CNR1: variants seen among roughly 807,000 people sequenced by gnomAD.
CNR1 encodes the protein cannabinoid receptor 1 (brain).
In CNR1, 10 loss-of-function variants were observed where a neutral mutation model predicts 23.0. The ratio of observed to expected loss-of-function variants is 0.43; its 90% CI spans 0.27 to 0.74. The LOEUF (loss-of-function observed/expected upper bound fraction) is 0.74, where lower values mean the gene tolerates loss of function less well. Ranked by LOEUF, CNR1 falls within the 30% of genes least tolerant of loss-of-function variation. The probability of loss-of-function intolerance (pLI) is 0.19; values close to 1 mark genes in which losing one functional copy is unlikely to be tolerated. For synonymous variants in CNR1, 271 were observed against 255.2 expected, an observed-to-expected ratio of 1.06 and a Z score of -0.59; for missense variants, 422 against 618.8, an observed-to-expected ratio of 0.68 and a Z score of 3.37.
chr6:88,151,426 G>A (rs1777511045), intron 1 of CNR1, among the ~76,000 whole-genome samples: 1 of 152,180 alleles, frequency 6.6e-6, no homozygotes, highest in Non-Finnish European at 1.5e-5. Context: ...AGCAGACCAA[G>A]ATTGGTGTTA....
intron 1 of CNR1, among the ~76,000 whole-genome samples, chr6:88,150,361 G>A (rs1777452934): frequency 6.6e-6 from 1 of 151,768 alleles, no homozygotes; most frequent in Non-Finnish European, 1.5e-5. Context: ...TTTCTCAAAG[G>A]CAAGGAGTAA....
In CNR1 at chr6:88,141,232, G is replaced by A. The variant is rs566259849; in HGVS notation, c.*2624C>T. The stretch of plus-strand genomic sequence containing the variant: ...GTTTTCGTCACTTGGGTTAAGAAAT[G>A]ATATGAAAAGTGTCAAAGTGAATCT... On this transcript the variant is annotated 3_prime_UTR_variant, in exon 2 of 2. Transcript: ENST00000369501. 1 of 152,752 alleles carries A rather than the reference G, an allele frequency of 6.5e-6. No individual in the cohort carries two copies. The highest frequency in any genetic ancestry group is 2.4e-5 in the African/African-American group (1 of 41,442). 9.5% of individuals were successfully genotyped at this position (152,752 alleles called of 1,614,324 possible).
At position 88,144,777 on chromosome 6, in the gene CNR1, C is replaced by T; in HGVS notation, c.498G>A (p.Gly166=). 1 of 1,614,140 alleles carries T rather than the reference C, an allele frequency of 6.2e-7. No individual in the cohort carries two copies. Among genetic ancestry groups the T allele is most frequent in the Non-Finnish European group, 8.5e-7 (1 of 1,180,028 alleles). ...TGAAGCTGTAGACAAAAATGACACTCCCCAGGAGGTCTGCCACCGCCAGGC... is the reference window on the plus strand; with the variant it reads ...TGAAGCTGTAGACAAAAATGACACTTCCCAGGAGGTCTGCCACCGCCAGGC... ...IGSLAVADLL[G]SVIFVYSFID... The change falls in exon 2 of 2, where the codon GGG becomes GGA. Residue 166 remains glycine, a synonymous_variant. Coordinates refer to ENST00000369501, the MANE Select transcript of CNR1 (RefSeq NM_016083.6). The surrounding 1 kb of genome is among the most constrained non-coding windows in gnomAD (Gnocchi z 7.8).
At chr6:88,162,209 G>C (rs182284007) in intron 1 of CNR1, among the ~76,000 whole-genome samples, 1 of 152,022 alleles carries the variant, frequency 6.6e-6, no homozygotes, top group East Asian at 1.9e-4. Flanking sequence ...CTTTGAATGC[G>C]GACATTTCCC....
rs528468863 is a variant in CNR1, at chr6:88,140,115, C to T, written c.*3741G>A. ...TACAAAGTATTATACAGATTACTAA[C>T]GAAGATATTGCAGTGGTTGCAACGA... On this transcript the variant is annotated 3_prime_UTR_variant, in exon 2 of 2. Transcript: ENST00000369501. The T allele has an allele frequency of 5.9e-5, 9 of 152,754 alleles. No individual in the cohort carries two copies. The highest frequency in any genetic ancestry group is 1.7e-4 in the African/African-American group (7 of 41,516). The allele number at this position is 152,754 out of a possible 1,614,324, so 9.5% of individuals were successfully genotyped here.
upstream of CNR1, among the ~76,000 whole-genome samples, chr6:88,166,559 CG>C (rs982831702): frequency 4.5e-4 from 69 of 152,152 alleles, no homozygotes; most frequent in Non-Finnish European, 6.9e-4. Context: ...CAAGCCTCTT[CG>C]GCCCGCGTCA....
intron 1 of CNR1, among the ~76,000 whole-genome samples, chr6:88,159,436 C>G (rs1164738663): frequency 6.6e-6 from 1 of 152,146 alleles, no homozygotes; most frequent in Non-Finnish European, 1.5e-5. Flanking sequence ...CTAAAAGTTA[C>G]AAATATTTAG....
Position 88,143,672 on chromosome 6 carries a change from G to C in CNR1, c.*184C>G, listed in dbSNP as rs902157739. 6.8e-6 allele frequency: 4 copies of C among 591,716 alleles called. No homozygotes were observed. The highest frequency in any genetic ancestry group is 3.7e-5 in the African/African-American group (2 of 53,836). The allele number at this position is 591,716 out of a possible 1,614,324, so 36.7% of individuals were successfully genotyped here. ...GCTTTCTTCACTGTAAACCCCTGGA[G>C]AATGGAGTTTGAGTACCTAAACTAT... is the stretch of plus-strand genomic sequence containing the variant. On this transcript the variant is annotated 3_prime_UTR_variant, in exon 2 of 2. Transcript: ENST00000369501.
intron 1 of CNR1, among the ~76,000 whole-genome samples, chr6:88,162,073 C>A (rs1179096208): frequency 6.6e-6 from 1 of 152,178 alleles, no homozygotes; most frequent in Non-Finnish European, 1.5e-5. Context: ...CCCTGGCATA[C>A]TTGCAAGATT....
In CNR1 at chr6:88,144,831, G is replaced by A; in HGVS notation, c.444C>T (p.Arg148=). 1 of 1,614,232 alleles carries A rather than the reference G, an allele frequency of 6.2e-7. No individual in the cohort carries two copies. The highest frequency in any genetic ancestry group is 8.5e-7 in the Non-Finnish European group (1 of 1,180,034). ...LCVILHSRSL[R]CRPSYHFIGS... ...CGATGAAGTGGTAGGAAGGCCTGCA[G>A]CGGAGGCTGCGGGAGTGGAGGATGA... Residue 148 remains arginine (R), a synonymous_variant, in exon 2 of 2, where the codon CGC becomes CGT. Transcript: ENST00000369501. The surrounding 1 kb of genome is among the most constrained non-coding windows in gnomAD (Gnocchi z 7.8).
rs145678078 is a variant in CNR1 at position 88,165,478 on chromosome 6, C to T, written c.-64+325G>A. On this transcript the variant is annotated intron_variant, in intron 1 of 1. Transcript: ENST00000369501. Reference sequence around the variant, plus strand: ...GATGTATTTCCCTGGGAAGACTTAGCTGCTAACATGGTTTATAGGCATTCA... The same window carrying T: ...GATGTATTTCCCTGGGAAGACTTAGTTGCTAACATGGTTTATAGGCATTCA... Among the ~76,000 whole-genome samples the T allele has an allele frequency of 3.3e-3, 500 of 152,354 alleles. 2 individuals carry two copies. Among genetic ancestry groups the T allele is most frequent in the African/African-American group, 0.011 (473 of 41,584 alleles).
At chr6:88,165,505 C>T (rs980443782) in intron 1 of CNR1, among the ~76,000 whole-genome samples, 3 of 152,210 alleles carry the variant, frequency 2.0e-5, no homozygotes, top group African/African-American at 7.2e-5. Flanking sequence ...AGGCATTCAG[C>T]ACCAACTCAA....
upstream of CNR1, among the ~76,000 whole-genome samples, chr6:88,166,691 A>G (rs1778383374): frequency 6.6e-6 from 1 of 152,130 alleles, no homozygotes; most frequent in African/African-American, 2.4e-5. Context: ...GGGCTGGTGC[A>G]TGCGCCGCCC....
At position 88,141,457 on chromosome 6, in the gene CNR1, A is replaced by G. The variant is rs1276686037; in HGVS notation, c.*2399T>C. 6.6e-6 allele frequency: 1 copy of G among 152,450 alleles called. No individual in the cohort carries two copies. The highest frequency in any genetic ancestry group is 1.5e-5 in the Non-Finnish European group (1 of 68,046). 9.4% of individuals were successfully genotyped at this position (152,450 alleles called of 1,614,324 possible). ...CATACGCACAAATGCAGTTTCAAAAATGAATCGTGAAATTTTTCTACCATA... is the reference window on the plus strand; with the variant it reads ...CATACGCACAAATGCAGTTTCAAAAGTGAATCGTGAAATTTTTCTACCATA... On this transcript the variant is annotated 3_prime_UTR_variant, in exon 2 of 2. Coordinates refer to ENST00000369501, the MANE Select transcript of CNR1 (RefSeq NM_016083.6).
At chr6:88,161,638 A>G (rs1778112162) in intron 1 of CNR1, among the ~76,000 whole-genome samples, 1 of 152,250 alleles carries the variant, frequency 6.6e-6, no homozygotes, top group Admixed American at 6.5e-5. Context: ...ATACTTTGAT[A>G]AGAACTAAAG....
intron 1 of CNR1, among the ~76,000 whole-genome samples, chr6:88,157,823 A>T (rs142082328): frequency 1.3e-5 from 2 of 152,184 alleles, no homozygotes; most frequent in Non-Finnish European, 2.9e-5. Context: ...ATTAATCTCT[A>T]TTATTGTAGG....
intron 1 of CNR1, among the ~76,000 whole-genome samples, chr6:88,155,150 C>T (rs989732225): frequency 6.6e-6 from 1 of 152,156 alleles, no homozygotes; most frequent in African/African-American, 2.4e-5. Context: ...CACAGCACAC[C>T]TTTCACAGTT....
chr6:88,163,429 T>G (rs959668915), intron 1 of CNR1, among the ~76,000 whole-genome samples: 3 of 152,240 alleles, frequency 2.0e-5, no homozygotes, highest in African/African-American at 7.2e-5. Flanking sequence ...AGAAGTTCCA[T>G]CTCATAATAG....
rs2127823599 is a variant in CNR1 at position 88,143,017 on chromosome 6, C to A, written c.*839G>T. On this transcript the variant is annotated 3_prime_UTR_variant, in exon 2 of 2. Coordinates refer to ENST00000369501, the MANE Select transcript of CNR1 (RefSeq NM_016083.6). ...AGACTAAAGAAAGTCAGAGATGTCG[C>A]TCAAAAAAAGTCAATATGCTTTCTC... is the stretch of plus-strand genomic sequence containing the variant. 1 of 152,724 alleles carries A rather than the reference C, an allele frequency of 6.5e-6. No homozygotes were observed. Among genetic ancestry groups the A allele is most frequent in the African/African-American group, 2.4e-5 (1 of 41,564 alleles). 9.5% of individuals were successfully genotyped at this position (152,724 alleles called of 1,614,324 possible).
Sources: gnomAD v4.1 joint callset for allele counts (sites outside exome capture counted in the v4.1 genomes callset) on GRCh38, gnomAD v4.1.1 for gene constraint, Gnocchi (gnomAD v3.1) non-coding constraint, MANE v1.5 for transcripts, NCBI Gene and HGNC (gene_info 2026-07-23, HGNC 2026-07-21) for gene names.